The following COL4A5 variants were observed in gnomAD, a reference collection of about 807,000 sequenced individuals.
COL4A5 encodes collagen alpha-5(IV) chain.
In COL4A5, 26 loss-of-function variants were observed where a neutral mutation model predicts 130.2. That is an observed-to-expected ratio of 0.20 (90% CI 0.15 to 0.28). The LOEUF (loss-of-function observed/expected upper bound fraction) is 0.28, where lower values mean the gene tolerates loss of function less well. COL4A5 is among the 10% of genes least tolerant of loss of function. COL4A5 has a pLI of 1.00. For missense variants in COL4A5, 1,131 were observed against 1,344.3 expected, an observed-to-expected ratio of 0.84 and a Z score of 2.48; for synonymous variants, 496 against 439.6, an observed-to-expected ratio of 1.13 and a Z score of -1.60.
chrX:108,663,151 A>G (rs1261321601), intron 37 of COL4A5, among the ~76,000 whole-genome samples: 4 of 111,946 alleles, frequency 3.6e-5, no homozygotes, highest in Non-Finnish European at 7.5e-5. Flanking sequence ...CCTTTTGTTC[A>G]TTATTTAAGT....
Position 108,697,504 on chromosome X carries a change from C to A in COL4A5, c.*1126C>A, listed in dbSNP as rs188323700. ...ATCTCCTGACTTAATGTTTTTTAAA[C>A]CCACCAATATAAATTTAATTAAAGA... On this transcript the variant is annotated 3_prime_UTR_variant, in exon 53 of 53. Transcript: ENST00000328300. The A allele has an allele frequency of 9.0e-6, 1 of 110,912 alleles. No homozygotes were observed. Among genetic ancestry groups the A allele is most frequent in the Non-Finnish European group, 1.9e-5 (1 of 52,992 alleles). 9.1% of individuals were successfully genotyped at this position (110,912 alleles called of 1,213,427 possible).
chrX:108,635,129 G>T (rs2067330170), intron 36 of COL4A5, among the ~76,000 whole-genome samples: 1 of 111,120 alleles, frequency 9.0e-6, no homozygotes, highest in Non-Finnish European at 1.9e-5. Context: ...CAAGGAGTCA[G>T]TAGGCAGAAA....
At chrX:108,447,325 T>A (rs2064463767) in intron 1 of COL4A5, among the ~76,000 whole-genome samples, 1 of 111,796 alleles carries the variant, frequency 8.9e-6, no homozygotes, top group Non-Finnish European at 1.9e-5. Context: ...TTTAGAAAAT[T>A]AAACTGGTTA....
rs1188740543 is a variant in COL4A5, at chrX:108,697,311, G to T, written c.*933G>T. 1 of 110,418 alleles carries T rather than the reference G, an allele frequency of 9.1e-6. No individual in the cohort carries two copies. Among genetic ancestry groups the T allele is most frequent in the South Asian group, 3.8e-4 (1 of 2,635 alleles). The allele number at this position is 110,418 out of a possible 1,213,427, so 9.1% of individuals were successfully genotyped here. A position where few individuals can be genotyped will look rare whatever the true frequency, so the allele number is the denominator to read the frequency against. ...CAGAATTAACAATTCTTTTCCCTGT[G>T]CTTCTTATGTAAGAATCCTCCTGTG... On this transcript the variant is annotated 3_prime_UTR_variant, in exon 53 of 53. Transcript: ENST00000328300.
intron 1 of COL4A5, among the ~76,000 whole-genome samples, chrX:108,511,940 C>T (rs781290252): frequency 9.0e-6 from 1 of 111,123 alleles, no homozygotes; most frequent in East Asian, 2.8e-4. Flanking sequence ...TATGGGGTTT[C>T]TTTTTGGGAT....
intron 1 of COL4A5, among the ~76,000 whole-genome samples, chrX:108,530,910 G>A (rs1465446202): frequency 3.9e-5 from 4 of 103,483 alleles, no homozygotes; most frequent in Non-Finnish European, 5.9e-5. Flanking sequence ...ACATGCACAC[G>A]TATGTTTATT....
intron 36 of COL4A5, among the ~76,000 whole-genome samples, chrX:108,629,931 A>G (rs1396139903): frequency 9.0e-6 from 1 of 110,809 alleles, no homozygotes; most frequent in Non-Finnish European, 1.9e-5. Flanking sequence ...TCCTTGCGAT[A>G]GTTTCCTCAG....
intron 30 of COL4A5, 143 bp downstream of exon 30, chrX:108,615,167 G>T: frequency 2.0e-6 from 1 of 506,470 alleles, no homozygotes; most frequent in East Asian, 3.7e-5. Context: ...TATAAAAGTG[G>T]ATAAGTACAA....
At chrX:108,495,678 C>T (rs192543093) in intron 1 of COL4A5, among the ~76,000 whole-genome samples, 1 of 112,159 alleles carries the variant, frequency 8.9e-6, no homozygotes, top group East Asian at 2.8e-4. Flanking sequence ...TGTGTCTCAT[C>T]AAAGGGCAAC....
chrX:108,547,529 G>T (rs896557782), intron 2 of COL4A5, among the ~76,000 whole-genome samples: 1 of 112,035 alleles, frequency 8.9e-6, no homozygotes, highest in African/African-American at 3.2e-5. Context: ...ACTGGGGGTT[G>T]CGTCCCAGTT....
intron 2 of COL4A5, among the ~76,000 whole-genome samples, chrX:108,550,594 T>A (rs1425530763): frequency 8.9e-6 from 1 of 112,112 alleles, no homozygotes; most frequent in Non-Finnish European, 1.9e-5. Context: ...AAAATTGTAC[T>A]CAATGGAGAA....
chrX:108,578,194 T>C, intron 12 of COL4A5, 75 bp downstream of exon 12: 3 of 1,131,274 alleles, frequency 2.7e-6, no homozygotes, highest in South Asian at 3.7e-5. Flanking sequence ...GTCTTTTTCT[T>C]TCTCTTGCTT....
At chrX:108,639,973 T>C (rs1310005862) in intron 36 of COL4A5, among the ~76,000 whole-genome samples, 1 of 112,306 alleles carries the variant, frequency 8.9e-6, no homozygotes. Flanking sequence ...TGGAAAACAT[T>C]ATGGCAGTTC....
At chrX:108,476,929 A>G (rs1283771743) in intron 1 of COL4A5, among the ~76,000 whole-genome samples, 1 of 111,405 alleles carries the variant, frequency 9.0e-6, no homozygotes, top group Non-Finnish European at 1.9e-5. Context: ...TATTTCCTTT[A>G]TTTTGTATAT....
intron 29 of COL4A5, among the ~76,000 whole-genome samples, chrX:108,608,399 T>A (rs759720202): frequency 2.1e-4 from 24 of 111,721 alleles, no homozygotes; most frequent in African/African-American, 6.8e-4. Context: ...GTTTTGTTTT[T>A]TAAAATTTTA....
chrX:108,530,990 A>G (rs1256113411), intron 1 of COL4A5, among the ~76,000 whole-genome samples: 3 of 100,387 alleles, frequency 3.0e-5, no homozygotes, highest in African/African-American at 1.1e-4. Context: ...CTGGATTAAG[A>G]AAATGTGGCA....
chrX:108,452,285 T>C (rs955209816), intron 1 of COL4A5, among the ~76,000 whole-genome samples: 2 of 112,011 alleles, frequency 1.8e-5, no homozygotes, highest in Non-Finnish European at 1.9e-5. Flanking sequence ...TTCTTTTGGC[T>C]TAGGATTGAC....
chrX:108,675,053 G>A (rs899477744), intron 43 of COL4A5, among the ~76,000 whole-genome samples: 29 of 110,767 alleles, frequency 2.6e-4, no homozygotes, highest in African/African-American at 9.5e-4. Flanking sequence ...AAATATTTAG[G>A]CAAGCATATG....
chrX:108,461,710 C>T (rs971630072), intron 1 of COL4A5, among the ~76,000 whole-genome samples: 1 of 111,061 alleles, frequency 9.0e-6, no homozygotes, highest in Non-Finnish European at 1.9e-5. Flanking sequence ...TCTCCTGCCT[C>T]AGCCTCCCAA....
Sources: gnomAD v4.1 joint callset for allele counts (sites outside exome capture counted in the v4.1 genomes callset) on GRCh38, gnomAD v4.1.1 for gene constraint, MANE v1.5 for transcripts, NCBI Gene and HGNC (gene_info 2026-07-23, HGNC 2026-07-21) for gene names.